Variants in MYO16 observed in about 807,000 individuals in gnomAD.
MYO16 encodes the protein myosin XVI, also known as unconventional myosin-XVI.
A neutral mutation model predicts 205.3 loss-of-function variants in MYO16; 94 were observed. The ratio of observed to expected loss-of-function variants is 0.46; its 90% confidence interval spans 0.39 to 0.54. MYO16 has a LOEUF of 0.54. Among genes scored for constraint, MYO16 ranks in the 20% least tolerant of loss-of-function variants. MYO16 has a pLI of 0.00. For missense variants in MYO16, 2,315 were observed against 2,387.5 expected (o/e 0.97, Z 0.63); for synonymous variants, 988 against 954.0 (o/e 1.04, Z -0.66).
chr13:109,158,140 C>T (rs919779042), intron 32 of MYO16, among the ~76,000 whole-genome samples: 6 of 152,072 alleles, frequency 3.9e-5, no homozygotes, highest in Non-Finnish European at 5.9e-5. Context: ...GTGGCCACTG[C>T]GCTCCAGGGC....
rs780281102 is a variant in MYO16 at position 109,141,470 on chromosome 13, A to G, written c.5164+94A>G. 13 of 918,706 alleles carry G rather than the reference A, an allele frequency of 1.4e-5. No individual in the cohort carries two copies. The highest frequency in any genetic ancestry group is 2.0e-5 in the Non-Finnish European group (13 of 664,524). 56.9% of individuals were successfully genotyped at this position (918,706 alleles called of 1,614,324 possible). ...CGTGTCTGCGCAGATGTGAAATAGTAAAGTTTCAGGTGATGGCCGTGGTCG... is the reference window on the plus strand; with the variant it reads ...CGTGTCTGCGCAGATGTGAAATAGTGAAGTTTCAGGTGATGGCCGTGGTCG... On this transcript the variant is annotated intron_variant, in intron 32 of 34. Transcript: ENST00000457511. The surrounding 1 kb of genome is among the most constrained non-coding windows in gnomAD (Gnocchi z 4.1).
chr13:108,601,589 G>A (rs1293314421), intron 1 of MYO16, among the ~76,000 whole-genome samples: 3 of 151,784 alleles, frequency 2.0e-5, no homozygotes, highest in African/African-American at 7.3e-5. Flanking sequence ...ATTCTTCCAT[G>A]CAGGGTATAT....
the MYO16 span, among the ~76,000 whole-genome samples, chr13:108,568,302 T>C: frequency 1.3e-5 from 2 of 152,180 alleles, no homozygotes; most frequent in Admixed American, 6.6e-5. Flanking sequence ...AGTGATATTT[T>C]AAATTCCACC....
At chr13:108,507,620 AG>A in the MYO16 span, among the ~76,000 whole-genome samples, 1 of 152,136 alleles carries the variant, frequency 6.6e-6, no homozygotes, top group African/African-American at 2.4e-5. Context: ...TCAGAGTTGT[AG>A]TATGTTTAAC....
rs376335895 is a variant in MYO16, at chr13:109,109,582, C to T, written c.3438+8695C>T. Among the ~76,000 whole-genome samples the T allele has an allele frequency of 8.7e-5, 13 of 150,236 alleles. No individual in the cohort carries two copies. The South Asian group carries it at 1.9e-3, about 22-fold the overall frequency. ...GGGACAAGGGAGGAAGCCGAGAACA[C>T]GAAGGGAGGGGAGAGGACCTCACCG... On this transcript the variant is annotated intron_variant, in intron 28 of 34. Coordinates refer to ENST00000457511, the MANE Select transcript of MYO16 (RefSeq NM_001198950.3).
chr13:108,681,359 T>C (rs1882454923), intron 2 of MYO16, among the ~76,000 whole-genome samples: 1 of 152,238 alleles, frequency 6.6e-6, no homozygotes, highest in Admixed American at 6.5e-5. Context: ...GTGCCTAAAG[T>C]GATGCTTGTA....
intron 12 of MYO16, among the ~76,000 whole-genome samples, chr13:108,873,459 G>A (rs1273700388): frequency 6.6e-6 from 1 of 152,242 alleles, no homozygotes; most frequent in Non-Finnish European, 1.5e-5. Context: ...CGAGACTGAT[G>A]TCTACACAAG....
At chr13:109,139,320 ATTAATAG>A (rs1173823067) in intron 31 of MYO16, among the ~76,000 whole-genome samples, 1 of 152,194 alleles carries the variant, frequency 6.6e-6, no homozygotes, top group African/African-American at 2.4e-5. Flanking sequence ...GCCACTAACT[ATTAATAG>A]TTAATTGGCC....
intron 6 of MYO16, among the ~76,000 whole-genome samples, chr13:108,794,234 A>T (rs763955982): frequency 2.0e-5 from 3 of 152,040 alleles, no homozygotes; most frequent in Non-Finnish European, 4.4e-5. Flanking sequence ...TATGCTTGTT[A>T]CCTGCGTAAT....
rs557661583 is a variant in MYO16 at position 108,818,403 on chromosome 13, T to C, written c.868-1934T>C. ...CGTCTCAAAAAAAAAATAATAATAATAAATAAAAATAAAAAAGAGAGAGAT... is the reference window on the plus strand; with the variant it reads ...CGTCTCAAAAAAAAAATAATAATAACAAATAAAAATAAAAAAGAGAGAGAT... On this transcript the variant is annotated intron_variant, in intron 7 of 34. Coordinates refer to ENST00000457511, the MANE Select transcript of MYO16 (RefSeq NM_001198950.3). 2.1e-5 allele frequency among the ~76,000 whole-genome samples: 3 copies of C among 140,352 alleles called. No homozygotes were observed. In the East Asian group the frequency reaches 6.1e-4, roughly 29 times the overall value. The allele number at this position is 140,352 out of a possible 152,430, so 92.1% of individuals were successfully genotyped here. A position where few individuals can be genotyped will look rare whatever the true frequency, so the allele number is the denominator to read the frequency against.
rs7988930 is a variant in MYO16 at position 108,844,180 on chromosome 13, A to T, written c.1098-163A>T. 0.11 allele frequency among the ~76,000 whole-genome samples: 17,190 copies of T among 152,200 alleles called. 1,017 individuals carry two copies. The highest frequency in any genetic ancestry group is 0.18 in the South Asian group (888 of 4,824). ...GAATAAAGTTTGGAATTAATTTTTT[A>T]AAAGTTTACAGATTTCTTACTAATT... On this transcript the variant is annotated intron_variant, in intron 9 of 34. Coordinates refer to ENST00000457511, the MANE Select transcript of MYO16 (RefSeq NM_001198950.3).
intron 1 of MYO16, among the ~76,000 whole-genome samples, chr13:108,639,887 G>A (rs140853321): frequency 1.7e-4 from 26 of 152,278 alleles, no homozygotes; most frequent in African/African-American, 4.3e-4. Flanking sequence ...TGGAGTATAC[G>A]ATAAATGGAA....
chr13:108,832,233 C>T (rs1235386287), intron 9 of MYO16, among the ~76,000 whole-genome samples: 2 of 151,098 alleles, frequency 1.3e-5, no homozygotes, highest in African/African-American at 4.9e-5. Flanking sequence ...ACCTCCGCCT[C>T]CTGGGCTCAA....
intron 7 of MYO16, among the ~76,000 whole-genome samples, chr13:108,809,543 A>G (rs1020089552): frequency 6.6e-6 from 1 of 152,302 alleles, no homozygotes; most frequent in African/African-American, 2.4e-5. Context: ...CAGGAGCAGA[A>G]AGAGAGTTGG....
At chr13:108,715,986 T>G (rs1203574626) in intron 3 of MYO16, among the ~76,000 whole-genome samples, 1 of 151,690 alleles carries the variant, frequency 6.6e-6, no homozygotes, top group Non-Finnish European at 1.5e-5. Flanking sequence ...AAGTGATGCA[T>G]AGTGAATACT....
At chr13:108,915,057 T>C (rs143619607) in intron 16 of MYO16, among the ~76,000 whole-genome samples, 4 of 152,222 alleles carry the variant, frequency 2.6e-5, no homozygotes, top group Admixed American at 6.5e-5. Context: ...TATTTCAGCA[T>C]AAAATGAATG....
chr13:109,142,722 A>T (rs1479433334), intron 32 of MYO16, among the ~76,000 whole-genome samples: 1 of 152,056 alleles, frequency 6.6e-6, no homozygotes, highest in African/African-American at 2.4e-5. Flanking sequence ...ACTTCACTTC[A>T]GCCTCTGATT....
At chr13:108,946,296 A>C (rs1183628088) in intron 16 of MYO16, among the ~76,000 whole-genome samples, 1 of 152,096 alleles carries the variant, frequency 6.6e-6, no homozygotes, top group Non-Finnish European at 1.5e-5. Flanking sequence ...GCAAAAAAAA[A>C]AGGGGGTTTG....
At chr13:108,876,669 C>CT (rs35250959) in intron 12 of MYO16, among the ~76,000 whole-genome samples, 19,989 of 135,164 alleles carry the variant, frequency 0.15, 1,462 homozygotes, top group African/African-American at 0.18. Context: ...TATTCTCTCT[C>CT]TTTTTTTTTT....
Sources: allele counts gnomAD v4.1 joint callset (sites outside exome capture counted in the v4.1 genomes callset), GRCh38; gene constraint gnomAD v4.1.1; non-coding constraint Gnocchi (gnomAD v3.1); transcripts MANE v1.5; gene names NCBI Gene and HGNC (gene_info 2026-07-23, HGNC 2026-07-21).